The following UGT1A9 variants were observed in gnomAD, a reference collection of about 807,000 sequenced individuals.
The protein encoded by UGT1A9 is UDP-glucuronosyltransferase 1A9.
UGT1A9 carries 35 observed loss-of-function variants against 45.0 expected under a neutral mutation model. That is an observed-to-expected ratio of 0.78 (90% CI 0.59 to 1.03). The LOEUF (loss-of-function observed/expected upper bound fraction) is 1.03, where lower values mean the gene tolerates loss of function less well. Ranked by LOEUF, UGT1A9 falls within the 50% of genes least tolerant of loss-of-function variation. The probability of loss-of-function intolerance (pLI) is 0.00; values close to 1 mark genes in which losing one functional copy is unlikely to be tolerated. For missense variants in UGT1A9, 687 were observed against 666.6 expected, an observed-to-expected ratio of 1.03 and a Z score of -0.34; for synonymous variants, 278 against 250.6, an observed-to-expected ratio of 1.11 and a Z score of -1.03.
chr2:233,747,613 A>T, intron 1 of UGT1A9: 1 of 1,574,722 alleles, frequency 6.4e-7, no homozygotes, highest in Non-Finnish European at 8.7e-7. Context: ...CTACTGCATA[A>T]TGAGGCCCTG....
chr2:233,760,773 G>A, intron 1 of UGT1A9: 1 of 1,613,944 alleles, frequency 6.2e-7, no homozygotes, highest in Non-Finnish European at 8.5e-7. Flanking sequence ...TCGTGGCCCA[G>A]TACCTGTCTC....
chr2:233,728,016 G>A (rs912712884), intron 1 of UGT1A9, among the ~76,000 whole-genome samples: 1 of 152,236 alleles, frequency 6.6e-6, no homozygotes, highest in African/African-American at 2.4e-5. Flanking sequence ...GCACATGTGG[G>A]AGTGACTTTC....
At chr2:233,748,178 G>T (rs1693885819) in intron 1 of UGT1A9, 1 of 1,580,774 alleles carries the variant, frequency 6.3e-7, no homozygotes, top group Non-Finnish European at 8.6e-7. Context: ...TATCTTTCTG[G>T]TGCTTTTATT....
At chr2:233,747,535 A>C in intron 1 of UGT1A9, 1 of 1,605,190 alleles carries the variant, frequency 6.2e-7, no homozygotes. Flanking sequence ...CATTTTCTGA[A>C]GACATTTTCT....
chr2:233,712,550 T>A (rs2076239846), intron 1 of UGT1A9, among the ~76,000 whole-genome samples: 2 of 151,862 alleles, frequency 1.3e-5, no homozygotes, highest in Admixed American at 1.3e-4. Flanking sequence ...GAAGAAAGAG[T>A]ATTAAGAGTT....
intron 1 of UGT1A9, among the ~76,000 whole-genome samples, chr2:233,699,779 A>G (rs1414060236): frequency 6.6e-6 from 1 of 152,200 alleles, no homozygotes; most frequent in African/African-American, 2.4e-5. Context: ...TCTGTTCCCA[A>G]GTTTCCTCCT....
intron 1 of UGT1A9, chr2:233,682,795 A>G (rs756686754): frequency 4.3e-6 from 7 of 1,611,214 alleles, no homozygotes; most frequent in Admixed American, 1.7e-5. Flanking sequence ...TGCCTATGGT[A>G]AGTTATCTCC....
At chr2:233,672,905 A>G in intron 1 of UGT1A9, 116 bp downstream of exon 1, 1 of 1,508,148 alleles carries the variant, frequency 6.6e-7, no homozygotes. Context: ...ATTTCTTTCC[A>G]GTTTAACAAA....
rs988153178 is a variant in UGT1A9, at chr2:233,772,888, GTGGTCCCACGGC to G, written c.*332_*343del. ...CTGTTTGGGAGTGCGGGATTCAAAG[GTGGTCCCACGGC>G]TGCCCCTACTGCAAATGGCAGTTTT... On this transcript the variant is annotated 3_prime_UTR_variant, in exon 5 of 5. Coordinates refer to ENST00000354728, the MANE Select transcript of UGT1A9 (RefSeq NM_021027.3). The G allele has an allele frequency of 1.9e-6, 1 of 534,950 alleles. No individual in the cohort carries two copies. The highest frequency in any genetic ancestry group is 1.9e-5 in the African/African-American group (1 of 51,616). 33.1% of individuals were successfully genotyped at this position (534,950 alleles called of 1,614,324 possible).
chr2:233,681,742 A>G, intron 1 of UGT1A9: 1 of 791,060 alleles, frequency 1.3e-6, no homozygotes, highest in Non-Finnish European at 1.5e-6. Context: ...TCTTGAAAAC[A>G]TATAAGCAGG....
rs541889262 is a variant in UGT1A9 at position 233,732,819 on chromosome 2, A to T, written c.856-34215A>T. 7.3e-4 allele frequency among the ~76,000 whole-genome samples: 110 copies of T among 150,442 alleles called. 1 individual carries two copies. The highest frequency in any genetic ancestry group is 2.7e-3 in the African/African-American group (109 of 40,796). On this transcript the variant is annotated intron_variant, in intron 1 of 4. Coordinates refer to ENST00000354728, the MANE Select transcript of UGT1A9 (RefSeq NM_021027.3). The stretch of plus-strand genomic sequence containing the variant: ...CAGGCTCTTTTTTGATTCCATATGA[A>T]CTTTAAAGTAGTTTTTTCCAATTTT...
intron 1 of UGT1A9, among the ~76,000 whole-genome samples, chr2:233,714,278 A>C (rs2076377797): frequency 6.6e-6 from 1 of 152,138 alleles, no homozygotes. Flanking sequence ...TGACGTGACA[A>C]TTTTTAGTGG....
rs1699908035 is a variant in UGT1A9, at chr2:233,769,628, A to G, written c.1295+1189A>G. 6.2e-7 allele frequency: 1 copy of G among 1,611,940 alleles called. No individual in the cohort carries two copies. The highest frequency in any genetic ancestry group is 8.5e-7 in the Non-Finnish European group (1 of 1,179,468). Reference sequence around the variant, plus strand: ...GACACACCAGCTTGAGCAAGGGACAACAGGGGAGGACTGATGACTGACTTC... The same window carrying G: ...GACACACCAGCTTGAGCAAGGGACAGCAGGGGAGGACTGATGACTGACTTC... On this transcript the variant is annotated intron_variant, in intron 4 of 4. Transcript: ENST00000354728. This position sits in a 1 kb window ranked among gnomAD's most constrained non-coding sequence, Gnocchi z 4.4.
At position 233,690,776 on chromosome 2, in the gene UGT1A9, TACACACACACACACAC is replaced by T. The variant is rs34459843; in HGVS notation, c.855+17996_855+18011del. The stretch of plus-strand genomic sequence containing the variant: ...GTGCAGACATACACACACACACACA[TACACACACACACACAC>T]ACACACACCATTCTTAGTACAGTCA... On this transcript the variant is annotated intron_variant, in intron 1 of 4. Transcript: ENST00000354728. 15 of 1,063,430 alleles carry T rather than the reference TACACACACACACACAC, an allele frequency of 1.4e-5. No homozygotes were observed. The East Asian group carries it at 1.0e-3, about 71-fold the overall frequency. 65.9% of individuals were successfully genotyped at this position (1,063,430 alleles called of 1,614,324 possible). A position where few individuals can be genotyped will look rare whatever the true frequency, so the allele number is the denominator to read the frequency against.
intron 1 of UGT1A9, chr2:233,743,526 C>T (rs1373846752): frequency 7.3e-7 from 1 of 1,367,230 alleles, no homozygotes; most frequent in Admixed American, 1.9e-5. Flanking sequence ...TTCTGCTTCC[C>T]CAGCAGTTCC....
chr2:233,750,334 A>C (rs1004492838), intron 1 of UGT1A9, among the ~76,000 whole-genome samples: 1 of 151,972 alleles, frequency 6.6e-6, no homozygotes, highest in Non-Finnish European at 1.5e-5. Context: ...CTTCAGAGAG[A>C]TGATCTGAAA....
intron 1 of UGT1A9, among the ~76,000 whole-genome samples, chr2:233,722,802 C>T (rs1232837199): frequency 1.3e-5 from 2 of 150,390 alleles, no homozygotes; most frequent in East Asian, 3.9e-4. Context: ...AGTCATCTCC[C>T]TCTTATTTTT....
chr2:233,681,809 G>T lies in UGT1A9; in HGVS notation c.855+9020G>T. 6 of 1,495,810 alleles carry T rather than the reference G, an allele frequency of 4.0e-6. 1 individual carries two copies. The Middle Eastern group carries it at 1.1e-3, about 286-fold the overall frequency. 92.7% of individuals were successfully genotyped at this position (1,495,810 alleles called of 1,614,324 possible). On this transcript the variant is annotated intron_variant, in intron 1 of 4. Transcript: ENST00000354728. ...TGAGTAAATCATTGGCAGTGAATGT[G>T]AATTTTTTTTTAAATGAATGAATAA...
chr2:233,687,875 T>C (rs903135519), intron 1 of UGT1A9, among the ~76,000 whole-genome samples: 2 of 152,110 alleles, frequency 1.3e-5, no homozygotes, highest in African/African-American at 4.8e-5. Context: ...TCCACTCCAC[T>C]CCAGCCTGGG....
Sources: allele counts gnomAD v4.1 joint callset (sites outside exome capture counted in the v4.1 genomes callset), GRCh38; gene constraint gnomAD v4.1.1; non-coding constraint Gnocchi (gnomAD v3.1); transcripts MANE v1.5; gene names NCBI Gene and HGNC (gene_info 2026-07-23, HGNC 2026-07-21).